CTNNA2: variants seen among roughly 807,000 people sequenced by gnomAD.
CTNNA2 encodes the protein catenin alpha 2, also known as catenin alpha-2.
A neutral mutation model predicts 101.0 loss-of-function variants in CTNNA2; 42 were observed. The ratio of observed to expected loss-of-function variants is 0.42; its 90% CI spans 0.32 to 0.54. The LOEUF (loss-of-function observed/expected upper bound fraction) is 0.54. Among genes scored for constraint, CTNNA2 ranks in the 20% least tolerant of loss-of-function variants. The pLI is 0.14. For missense variants in CTNNA2, 871 were observed against 1,223.1 expected (o/e 0.71, Z 4.29); for synonymous variants, 450 against 456.4 (o/e 0.99, Z 0.18).
At chr2:79,966,206 C>T (rs927232021) in intron 7 of CTNNA2, among the ~76,000 whole-genome samples, 1 of 151,920 alleles carries the variant, frequency 6.6e-6, no homozygotes, top group South Asian at 2.1e-4. Flanking sequence ...TTATGTTCTC[C>T]TTGCTTCCGT....
chr2:79,553,602 G>A (rs1674254388), intron 1 of CTNNA2, among the ~76,000 whole-genome samples: 2 of 152,188 alleles, frequency 1.3e-5, no homozygotes, highest in African/African-American at 2.4e-5. Flanking sequence ...GAAGGCAAAG[G>A]GGAAGCAGGC....
chr2:80,404,035 A>G (rs1223806102), intron 8 of CTNNA2, among the ~76,000 whole-genome samples: 2 of 152,168 alleles, frequency 1.3e-5, no homozygotes, highest in South Asian at 2.1e-4. Context: ...GGATTTTTGC[A>G]TCGATATTCA....
intron 3 of CTNNA2, among the ~76,000 whole-genome samples, chr2:79,761,726 G>A (rs1246041619): frequency 6.6e-6 from 1 of 152,172 alleles, no homozygotes; most frequent in Non-Finnish European, 1.5e-5. Flanking sequence ...ATCTTTTGGT[G>A]TAGGCAGAAA....
intron 7 of CTNNA2, among the ~76,000 whole-genome samples, chr2:80,145,053 G>A (rs1477277519): frequency 2.0e-5 from 3 of 152,150 alleles, no homozygotes; most frequent in Non-Finnish European, 4.4e-5. Flanking sequence ...ACTGCTCTCT[G>A]TCAATCACGG....
chr2:80,334,095 T>C (rs1407655072), intron 7 of CTNNA2, among the ~76,000 whole-genome samples: 11 of 152,210 alleles, frequency 7.2e-5, no homozygotes, highest in Admixed American at 7.2e-4. Flanking sequence ...GAATGAATTA[T>C]GTCATTTCTT....
chr2:80,020,099 A>G (rs1158583229), intron 7 of CTNNA2, among the ~76,000 whole-genome samples: 1 of 152,246 alleles, frequency 6.6e-6, no homozygotes, highest in Non-Finnish European at 1.5e-5. Flanking sequence ...CTTCAACTAG[A>G]GAGCACAGTA....
intron 3 of CTNNA2, among the ~76,000 whole-genome samples, chr2:79,816,421 C>A (rs1224047471): frequency 6.6e-6 from 1 of 152,012 alleles, no homozygotes; most frequent in Non-Finnish European, 1.5e-5. Context: ...CACTTTTATA[C>A]CATTTTAAGG....
At chr2:80,474,817 G>A (rs1685593501) in intron 9 of CTNNA2, among the ~76,000 whole-genome samples, 1 of 152,114 alleles carries the variant, frequency 6.6e-6, no homozygotes. Context: ...TAGAATTTTT[G>A]AATACAAGGA....
chr2:79,750,587 G>A (rs1671958117), intron 3 of CTNNA2, among the ~76,000 whole-genome samples: 1 of 152,226 alleles, frequency 6.6e-6, no homozygotes, highest in South Asian at 2.1e-4. Flanking sequence ...TAAGGGCCGG[G>A]CGTGGCGACT....
chr2:79,797,793 G>A lies in CTNNA2; in HGVS notation c.298+53211G>A, dbSNP rs151317287. 2.2e-3 allele frequency among the ~76,000 whole-genome samples: 335 copies of A among 151,792 alleles called. 1 individual carries two copies. The highest frequency in any genetic ancestry group is 7.9e-3 in the African/African-American group (325 of 41,372). On this transcript the variant is annotated intron_variant, in intron 3 of 18. Coordinates refer to ENST00000402739, the MANE Select transcript of CTNNA2 (RefSeq NM_001282597.3). Reference sequence around the variant, plus strand: ...CATTTTAAAAGTTTCCATTAAATATGTTCCAGTTTCCTTATTTGTAAAAGT... The same window carrying A: ...CATTTTAAAAGTTTCCATTAAATATATTCCAGTTTCCTTATTTGTAAAAGT...
intron 2 of CTNNA2, among the ~76,000 whole-genome samples, chr2:79,696,173 C>T (rs957269803): frequency 2.0e-5 from 3 of 151,964 alleles, no homozygotes; most frequent in Admixed American, 6.6e-5. Context: ...GTTACAAAGT[C>T]GCTTTGTAAA....
At chr2:79,760,542 A>G (rs7603838) in intron 3 of CTNNA2, among the ~76,000 whole-genome samples, 1,683 of 152,194 alleles carry the variant, frequency 0.011, 26 homozygotes, top group African/African-American at 0.039. Flanking sequence ...ACCTGGTTCA[A>G]TGAGGCCCAC....
In CTNNA2 at chr2:80,123,815, A is replaced by G. The variant is rs550979454; in HGVS notation, c.1056+214018A>G. On this transcript the variant is annotated intron_variant, in intron 7 of 18. Transcript: ENST00000402739. ...GATTCCTCTTCCATTAGATGTTTTC[A>G]CAGGTCCTATGGCAATATGGGGCTT... Among the ~76,000 whole-genome samples, 4 of 152,238 alleles carry G rather than the reference A, an allele frequency of 2.6e-5. No individual in the cohort carries two copies. The South Asian group carries it at 8.3e-4, about 32-fold the overall frequency.
chr2:79,603,156 A>T (rs1421427176), intron 1 of CTNNA2, among the ~76,000 whole-genome samples: 2 of 152,174 alleles, frequency 1.3e-5, no homozygotes, highest in African/African-American at 4.8e-5. Context: ...GAAAAAAAAG[A>T]TAGAAAAGTT....
intron 4 of CTNNA2, among the ~76,000 whole-genome samples, chr2:79,436,732 C>A (rs1046369695): frequency 6.6e-6 from 1 of 151,872 alleles, no homozygotes; most frequent in East Asian, 2.0e-4. Context: ...CCTGGGTTCA[C>A]GCCATTATCC....
intron 1 of CTNNA2, among the ~76,000 whole-genome samples, chr2:79,537,118 G>A (rs1207833432): frequency 6.6e-6 from 1 of 152,086 alleles, no homozygotes; most frequent in Non-Finnish European, 1.5e-5. Flanking sequence ...TGCACGTGGA[G>A]GGCTTAAACC....
intron 4 of CTNNA2, among the ~76,000 whole-genome samples, chr2:79,407,823 G>A (rs1678356153): frequency 6.6e-6 from 1 of 152,104 alleles, no homozygotes; most frequent in African/African-American, 2.4e-5. Context: ...TCTCAATCCT[G>A]CTACCTTAAG....
At chr2:79,862,887 A>G (rs1681728938) in intron 4 of CTNNA2, among the ~76,000 whole-genome samples, 1 of 152,156 alleles carries the variant, frequency 6.6e-6, no homozygotes, top group Non-Finnish European at 1.5e-5. Flanking sequence ...CTAGTTTTTT[A>G]AAAAGGGAAT....
chr2:80,570,471 T>C (rs1365459770), intron 12 of CTNNA2, among the ~76,000 whole-genome samples: 1 of 152,186 alleles, frequency 6.6e-6, no homozygotes, highest in Non-Finnish European at 1.5e-5. Context: ...AATATTGAAC[T>C]GTGCTTAGGA....
Sources: gnomAD v4.1 joint callset for allele counts (sites outside exome capture counted in the v4.1 genomes callset) on GRCh38, gnomAD v4.1.1 for gene constraint, MANE v1.5 for transcripts, NCBI Gene and HGNC (gene_info 2026-07-23, HGNC 2026-07-21) for gene names.